The following TFEC variants were observed in gnomAD, a reference collection of about 807,000 sequenced individuals.
The protein encoded by TFEC is transcription factor EC.
In TFEC, 31 loss-of-function variants were observed where a neutral mutation model predicts 41.6. The observed-to-expected ratio is 0.74, with a 90% confidence interval of 0.56 to 1.01. TFEC has a LOEUF of 1.01. Ranked by LOEUF, TFEC falls within the 50% of genes least tolerant of loss-of-function variation. The pLI, the probability that TFEC is intolerant of heterozygous loss-of-function variation, is 0.00. For synonymous variants in TFEC, 143 were observed against 140.6 expected (o/e 1.02, Z -0.12); for missense variants, 402 against 404.1 (o/e 0.99, Z 0.04).
At chr7:116,120,952 A>AGAAGGTT (rs1001186097) in intron 1 of TFEC, among the ~76,000 whole-genome samples, 8 of 152,028 alleles carry the variant, frequency 5.3e-5, no homozygotes, top group Non-Finnish European at 2.9e-5. Context: ...AATAACTTTC[A>AGAAGGTT]GAAGGATAAC....
At chr7:115,971,522 C>A (rs1793134043) in intron 3 of TFEC, among the ~76,000 whole-genome samples, 1 of 151,806 alleles carries the variant, frequency 6.6e-6, no homozygotes, top group Non-Finnish European at 1.5e-5. Flanking sequence ...AAAAAGGCTA[C>A]AGAAGCCCCA....
chr7:116,098,316 C>T (rs1234730815), intron 3 of TFEC, among the ~76,000 whole-genome samples: 3 of 152,052 alleles, frequency 2.0e-5, no homozygotes, highest in Non-Finnish European at 4.4e-5. Flanking sequence ...TGCACCACCA[C>T]GCCCAGCTAA....
chr7:116,154,836 C>T (rs1029673463), intron 1 of TFEC, among the ~76,000 whole-genome samples: 13 of 152,084 alleles, frequency 8.5e-5, no homozygotes, highest in Admixed American at 3.9e-4. Context: ...GGGGAGAAAT[C>T]GCGGATCTTC....
At chr7:116,098,119 A>C (rs537445222) in intron 3 of TFEC, among the ~76,000 whole-genome samples, 44 of 152,294 alleles carry the variant, frequency 2.9e-4, no homozygotes, top group African/African-American at 9.6e-4. Context: ...AATATAAGCA[A>C]ATTGAGTGGA....
In TFEC at chr7:116,075,986, T is replaced by C. The variant is rs189404953; in HGVS notation, c.198+34722A>G. On this transcript the variant is annotated intron_variant, in intron 3 of 8. Transcript: ENST00000484212. ...ACCAACATAAAACCAGTGCACTATA[T>C]GAAAACACAACCAAGGACCCTCACA... 2.2e-3 allele frequency among the ~76,000 whole-genome samples: 340 copies of C among 152,256 alleles called. 3 individuals are homozygous for C. Among genetic ancestry groups the C allele is most frequent in the Non-Finnish European group, 3.4e-4 (23 of 68,014 alleles).
chr7:116,136,666 G>GA (rs1798438326), intron 1 of TFEC, among the ~76,000 whole-genome samples: 1 of 151,624 alleles, frequency 6.6e-6, no homozygotes, highest in African/African-American at 2.4e-5. Context: ...TTCAAATTTT[G>GA]AAAAATCAGT....
rs548649523 is a variant in TFEC at position 115,966,963 on chromosome 7, G to T, written c.267+7207C>A. Among the ~76,000 whole-genome samples, 17 of 151,640 alleles carry T rather than the reference G, an allele frequency of 1.1e-4. No homozygotes were observed. In the East Asian group the frequency reaches 3.3e-3, roughly 30 times the overall value. ...TTTTCTAATTGAATTTAAATTAATTGTTTTATCTTTCTCCATTTTTATTCA... is the reference window on the plus strand; with the variant it reads ...TTTTCTAATTGAATTTAAATTAATTTTTTTATCTTTCTCCATTTTTATTCA... On this transcript the variant is annotated intron_variant, in intron 3 of 7. Coordinates refer to ENST00000265440, the MANE Select transcript of TFEC (RefSeq NM_012252.4).
intron 1 of TFEC, among the ~76,000 whole-genome samples, chr7:116,152,411 T>C (rs1236864340): frequency 6.6e-6 from 1 of 152,036 alleles, no homozygotes; most frequent in African/African-American, 2.4e-5. Context: ...AGGGCAGAGT[T>C]TACCAAAGTA....
chr7:115,974,200 T>G lies in TFEC; in HGVS notation c.237A>C (p.Gly79=), dbSNP rs1462312124. 6.9e-6 allele frequency: 11 copies of G among 1,595,826 alleles called. No homozygotes were observed. In the Middle Eastern group the frequency reaches 1.8e-3, roughly 265 times the overall value. Residue 79 remains glycine (G), a synonymous_variant, in exon 3 of 8, where the codon GGA becomes GGC. Coordinates refer to ENST00000265440, the MANE Select transcript of TFEC (RefSeq NM_012252.4). ...TTTGCATTAGCAGAGGAGAGTCTGC[T>G]CCTTCCTCTTTAAAACTTGATTCCA... ...IGMESSFKEE[G]ADSPLLMQRT... is the part of the protein sequence containing the mutation.
chr7:115,977,338 A>T (rs373094759), intron 2 of TFEC, among the ~76,000 whole-genome samples: 45 of 152,224 alleles, frequency 3.0e-4, no homozygotes, highest in African/African-American at 1.1e-3. Flanking sequence ...CATAGAAAGT[A>T]TAAGATTCAA....
rs989610644 is a variant in TFEC, at chr7:115,936,399, C to T, written c.*4152G>A. ...CAATCCTTCGGGTGTCTTTAAGAAACCCAGATGGTTGATCTTGCGCTGATA... is the reference window on the plus strand; with the variant it reads ...CAATCCTTCGGGTGTCTTTAAGAAATCCAGATGGTTGATCTTGCGCTGATA... On this transcript the variant is annotated 3_prime_UTR_variant, in exon 8 of 8. Transcript: ENST00000265440. The T allele has an allele frequency of 1.4e-4, 21 of 151,508 alleles. No individual in the cohort carries two copies. The highest frequency in any genetic ancestry group is 5.1e-4 in the African/African-American group (21 of 41,362). 9.4% of individuals were successfully genotyped at this position (151,508 alleles called of 1,614,324 possible). A position where few individuals can be genotyped will look rare whatever the true frequency, so the allele number is the denominator to read the frequency against.
At chr7:116,060,705 A>G (rs938138076) in intron 3 of TFEC, among the ~76,000 whole-genome samples, 1 of 152,082 alleles carries the variant, frequency 6.6e-6, no homozygotes, top group African/African-American at 2.4e-5. Context: ...CCTGGGGTCT[A>G]CATGAATGGG....
intron 5 of TFEC, among the ~76,000 whole-genome samples, chr7:115,952,863 G>T (rs929150163): frequency 3.3e-5 from 5 of 152,070 alleles, no homozygotes; most frequent in African/African-American, 1.2e-4. Flanking sequence ...CTCTGGCCAT[G>T]CCTCTCTCCA....
chr7:116,097,515 A>G (rs1004496399), intron 3 of TFEC, among the ~76,000 whole-genome samples: 2 of 152,190 alleles, frequency 1.3e-5, no homozygotes, highest in African/African-American at 4.8e-5. Flanking sequence ...GTGAGACAGC[A>G]AAAGTTAATC....
chr7:116,135,278 A>G (rs1798412876), intron 1 of TFEC, among the ~76,000 whole-genome samples: 1 of 152,186 alleles, frequency 6.6e-6, no homozygotes, highest in African/African-American at 2.4e-5. Flanking sequence ...GGGCACATGG[A>G]AAATATGGAA....
intron 4 of TFEC, among the ~76,000 whole-genome samples, chr7:115,955,934 C>T (rs1792201139): frequency 6.6e-6 from 1 of 151,890 alleles, no homozygotes; most frequent in Admixed American, 6.6e-5. Flanking sequence ...TGTTTGAGCT[C>T]CAAACCAAAA....
At chr7:115,982,212 A>G (rs1424207497) in intron 2 of TFEC, among the ~76,000 whole-genome samples, 1 of 151,548 alleles carries the variant, frequency 6.6e-6, no homozygotes, top group Non-Finnish European at 1.5e-5. Flanking sequence ...TGGGAGAAAA[A>G]AAAAACAAAA....
intron 3 of TFEC, among the ~76,000 whole-genome samples, chr7:116,060,706 C>A (rs1033257635): frequency 7.9e-5 from 12 of 151,936 alleles, no homozygotes; most frequent in African/African-American, 2.9e-4. Flanking sequence ...CTGGGGTCTA[C>A]ATGAATGGGG....
chr7:116,054,550 A>C (rs1419690217), intron 3 of TFEC, among the ~76,000 whole-genome samples: 1 of 152,156 alleles, frequency 6.6e-6, no homozygotes, highest in Admixed American at 6.5e-5. Context: ...CAACGAATAA[A>C]GTGAATTGAC....
Sources: gnomAD v4.1 joint callset for allele counts (sites outside exome capture counted in the v4.1 genomes callset) on GRCh38, gnomAD v4.1.1 for gene constraint, MANE v1.5 for transcripts, NCBI Gene and HGNC (gene_info 2026-07-23, HGNC 2026-07-21) for gene names.